The following GULP1 variants were observed in gnomAD, a reference collection of about 807,000 sequenced individuals.
GULP1 encodes PTB domain-containing engulfment adapter protein 1.
Under a neutral mutation model 40.9 loss-of-function variants are expected in GULP1, and 19 were observed. That is an observed-to-expected ratio of 0.46 (90% CI 0.32 to 0.68). GULP1 has a LOEUF of 0.68. Ranked by LOEUF, GULP1 falls within the 30% of genes least tolerant of loss-of-function variation. The pLI is 0.03. For synonymous variants in GULP1, 119 were observed against 117.6 expected (o/e 1.01, Z -0.08); for missense variants, 312 against 362.2 (o/e 0.86, Z 1.12).
At chr2:188,392,831 CTTG>C (rs373111631) in intron 2 of GULP1, among the ~76,000 whole-genome samples, 38 of 151,998 alleles carry the variant, frequency 2.5e-4, no homozygotes, top group African/African-American at 7.7e-4. Flanking sequence ...CCATCTTGAT[CTTG>C]TTATTAACTC....
intron 1 of GULP1, among the ~76,000 whole-genome samples, chr2:188,348,530 A>G (rs1272565253): frequency 6.6e-6 from 1 of 152,192 alleles, no homozygotes; most frequent in Non-Finnish European, 1.5e-5. Flanking sequence ...TCCCATGAAG[A>G]TGGGTATAAG....
At chr2:188,358,688 A>C (rs2152348412) in intron 1 of GULP1, among the ~76,000 whole-genome samples, 1 of 152,322 alleles carries the variant, frequency 6.6e-6, no homozygotes, top group East Asian at 1.9e-4. Flanking sequence ...AGACATAATT[A>C]GTGAGGTTGG....
intron 5 of GULP1, among the ~76,000 whole-genome samples, chr2:188,523,180 A>G (rs2153227066): frequency 6.6e-6 from 1 of 152,306 alleles, no homozygotes; most frequent in East Asian, 1.9e-4. Flanking sequence ...TGGCATAACA[A>G]CTGTCTTTAA....
At chr2:188,554,749 C>T (rs1694328483) in intron 7 of GULP1, among the ~76,000 whole-genome samples, 1 of 151,768 alleles carries the variant, frequency 6.6e-6, no homozygotes, top group Admixed American at 6.6e-5. Context: ...TTGGGCTCCC[C>T]CACTATTATT....
chr2:188,417,686 T>C (rs1340281875), intron 2 of GULP1, among the ~76,000 whole-genome samples: 1 of 152,232 alleles, frequency 6.6e-6, no homozygotes, highest in Admixed American at 6.5e-5. Context: ...AAATGAGAAT[T>C]CAAAGGATCC....
intron 9 of GULP1, among the ~76,000 whole-genome samples, chr2:188,576,417 A>AGTAT (rs1034376376): frequency 2.6e-5 from 4 of 152,144 alleles, no homozygotes; most frequent in African/African-American, 9.7e-5. Context: ...AACAATAAAA[A>AGTAT]GTATACCTTT....
intron 2 of GULP1, among the ~76,000 whole-genome samples, chr2:188,407,368 G>C (rs2053262966): frequency 6.6e-6 from 1 of 152,154 alleles, no homozygotes; most frequent in Non-Finnish European, 1.5e-5. Context: ...TTCTAATCCT[G>C]TAATGGTGAC....
chr2:188,377,954 A>G (rs1365987146), intron 1 of GULP1, among the ~76,000 whole-genome samples: 1 of 152,144 alleles, frequency 6.6e-6, no homozygotes, highest in Non-Finnish European at 1.5e-5. Context: ...CAGACAAAGT[A>G]TTGTAATTAT....
At chr2:188,379,083 A>G (rs2048682094) in intron 1 of GULP1, among the ~76,000 whole-genome samples, 1 of 152,172 alleles carries the variant, frequency 6.6e-6, no homozygotes, top group Non-Finnish European at 1.5e-5. Flanking sequence ...TAATTTCAGC[A>G]AAAAGAGTGA....
intron 5 of GULP1, among the ~76,000 whole-genome samples, chr2:188,525,431 T>C (rs1685922291): frequency 1.3e-5 from 2 of 152,010 alleles, no homozygotes; most frequent in African/African-American, 4.8e-5. Flanking sequence ...ATAAAACAAA[T>C]TTTCTAAAAT....
chr2:188,331,811 T>C (rs1233482229), intron 1 of GULP1, among the ~76,000 whole-genome samples: 1 of 152,242 alleles, frequency 6.6e-6, no homozygotes, highest in Non-Finnish European at 1.5e-5. Flanking sequence ...AATGTAAAGA[T>C]AATGATTTCT....
intron 1 of GULP1, among the ~76,000 whole-genome samples, chr2:188,341,396 C>T (rs2042947905): frequency 6.6e-6 from 1 of 152,046 alleles, no homozygotes; most frequent in Non-Finnish European, 1.5e-5. Context: ...GAAATCCACT[C>T]CTGTCATCCA....
chr2:188,493,166 A>G (rs1220602820), intron 4 of GULP1, among the ~76,000 whole-genome samples: 2 of 152,062 alleles, frequency 1.3e-5, no homozygotes, highest in Admixed American at 6.6e-5. Context: ...GTTTTTCTAA[A>G]AATGACCCAA....
At chr2:188,330,382 C>A (rs910634668) in intron 1 of GULP1, among the ~76,000 whole-genome samples, 1 of 152,028 alleles carries the variant, frequency 6.6e-6, no homozygotes, top group Non-Finnish European at 1.5e-5. Context: ...TATTATTTGT[C>A]TTTTTGGTGG....
At chr2:188,534,423 G>A (rs1169303412) in intron 6 of GULP1, among the ~76,000 whole-genome samples, 1 of 152,046 alleles carries the variant, frequency 6.6e-6, no homozygotes, top group Non-Finnish European at 1.5e-5. Flanking sequence ...TTACTTATAA[G>A]TGGGTACTTA....
chr2:188,417,907 C>G (rs903091090), intron 2 of GULP1, among the ~76,000 whole-genome samples: 4 of 152,164 alleles, frequency 2.6e-5, no homozygotes, highest in Admixed American at 6.5e-5. Flanking sequence ...TCTTCTACCT[C>G]AGCCTCTCAA....
At chr2:188,552,968 G>A (rs903641218) in intron 7 of GULP1, among the ~76,000 whole-genome samples, 4 of 151,396 alleles carry the variant, frequency 2.6e-5, no homozygotes, top group South Asian at 2.1e-4. Flanking sequence ...AAATGAGATT[G>A]CCTTCTTGCT....
rs545226807 is a variant in GULP1 at position 188,481,296 on chromosome 2, A to G, written c.29-2135A>G. Among the ~76,000 whole-genome samples, 374 of 152,058 alleles carry G rather than the reference A, an allele frequency of 2.5e-3. 3 individuals carry two copies. The highest frequency in any genetic ancestry group is 8.5e-3 in the African/African-American group (355 of 41,550). On this transcript the variant is annotated intron_variant, in intron 3 of 11. Transcript: ENST00000409830. The stretch of plus-strand genomic sequence containing the variant: ...GACCAGCATGTGTATTTCCTACTCA[A>G]GATTTAGTCCTATCTATAAGTTAAT...
chr2:188,328,227 C>T (rs1480994612), intron 1 of GULP1, among the ~76,000 whole-genome samples: 1 of 152,132 alleles, frequency 6.6e-6, no homozygotes, highest in African/African-American at 2.4e-5. Flanking sequence ...GATTAGAGCA[C>T]ATTTCAGAAA....
Sources: allele counts gnomAD v4.1 joint callset (sites outside exome capture counted in the v4.1 genomes callset), GRCh38; gene constraint gnomAD v4.1.1; transcripts MANE v1.5; gene names NCBI Gene and HGNC (gene_info 2026-07-23, HGNC 2026-07-21).